The following GPC5 variants were observed in gnomAD, a reference collection of about 807,000 sequenced individuals.
The protein encoded by GPC5 is glypican 5.
Under a neutral mutation model 53.9 loss-of-function variants are expected in GPC5, and 47 were observed. That is an observed-to-expected ratio of 0.87 (90% CI 0.69 to 1.11). GPC5 has a LOEUF of 1.11. Among genes scored for constraint, GPC5 ranks in the 50% most tolerant of loss-of-function variants. The probability of loss-of-function intolerance (pLI) is 0.00; values close to 1 mark genes in which losing one functional copy is unlikely to be tolerated. For synonymous variants in GPC5, 286 were observed against 263.3 expected, an observed-to-expected ratio of 1.09 and a Z score of -0.84; for missense variants, 748 against 713.1, an observed-to-expected ratio of 1.05 and a Z score of -0.56.
At chr13:92,554,299 C>T (rs901638523) in intron 7 of GPC5, among the ~76,000 whole-genome samples, 13 of 151,818 alleles carry the variant, frequency 8.6e-5, no homozygotes, top group Non-Finnish European at 1.5e-4. Context: ...TCTTTTCATT[C>T]AGTGAAATTT....
intron 2 of GPC5, among the ~76,000 whole-genome samples, chr13:91,569,650 T>C (rs1054661739): frequency 6.6e-6 from 1 of 152,154 alleles, no homozygotes; most frequent in African/African-American, 2.4e-5. Context: ...CCAAAATTCG[T>C]ATTGTAGCTT....
At chr13:91,558,618 C>G (rs2031087323) in intron 2 of GPC5, among the ~76,000 whole-genome samples, 1 of 152,100 alleles carries the variant, frequency 6.6e-6, no homozygotes, top group Non-Finnish European at 1.5e-5. Flanking sequence ...ACACTCATCC[C>G]TGGCACGTTT....
At chr13:92,494,470 G>A (rs1262696132) in intron 7 of GPC5, among the ~76,000 whole-genome samples, 2 of 152,102 alleles carry the variant, frequency 1.3e-5, no homozygotes, top group East Asian at 3.9e-4. Flanking sequence ...ATCATAAAAC[G>A]TGCTTTGCTA....
intron 2 of GPC5, among the ~76,000 whole-genome samples, chr13:91,497,214 G>T (rs1884320480): frequency 6.6e-6 from 1 of 151,664 alleles, no homozygotes; most frequent in African/African-American, 2.4e-5. Context: ...CATTTTAATT[G>T]TATTTCTGTC....
chr13:92,407,835 A>G (rs1333538978), intron 7 of GPC5, among the ~76,000 whole-genome samples: 1 of 152,188 alleles, frequency 6.6e-6, no homozygotes, highest in Non-Finnish European at 1.5e-5. Context: ...TTAAAGAGAA[A>G]ACTATGAACA....
chr13:91,521,293 G>T (rs575343632), intron 2 of GPC5, among the ~76,000 whole-genome samples: 1 of 152,254 alleles, frequency 6.6e-6, no homozygotes, highest in South Asian at 2.1e-4. Context: ...TCTTAGTGGG[G>T]CTTCTCTGCT....
At chr13:92,615,068 T>A (rs906900348) in intron 7 of GPC5, among the ~76,000 whole-genome samples, 3 of 152,216 alleles carry the variant, frequency 2.0e-5, no homozygotes, top group Non-Finnish European at 4.4e-5. Context: ...TCTGTAAGAA[T>A]AGTCTTATGC....
chr13:92,582,357 A>T (rs1199803889), intron 7 of GPC5, among the ~76,000 whole-genome samples: 1 of 152,076 alleles, frequency 6.6e-6, no homozygotes, highest in African/African-American at 2.4e-5. Context: ...TTGACCAAAA[A>T]TGAGTAGATG....
chr13:91,751,733 T>C (rs1190030281), intron 4 of GPC5, among the ~76,000 whole-genome samples: 3 of 152,194 alleles, frequency 2.0e-5, no homozygotes, highest in Non-Finnish European at 4.4e-5. Context: ...CTTATCTCCT[T>C]CTTTTTATAC....
At chr13:91,408,139 T>C (rs978613838) in intron 1 of GPC5, among the ~76,000 whole-genome samples, 1 of 152,166 alleles carries the variant, frequency 6.6e-6, no homozygotes, top group Non-Finnish European at 1.5e-5. Flanking sequence ...TGCTATGTAA[T>C]AGGTCACTTG....
intron 7 of GPC5, among the ~76,000 whole-genome samples, chr13:92,301,690 C>G (rs972883403): frequency 6.6e-6 from 1 of 151,664 alleles, no homozygotes; most frequent in African/African-American, 2.4e-5. Context: ...TGTTCAAGAC[C>G]ACCTGGACAA....
intron 7 of GPC5, among the ~76,000 whole-genome samples, chr13:92,544,187 T>A (rs1882024209): frequency 6.6e-6 from 1 of 152,084 alleles, no homozygotes; most frequent in Non-Finnish European, 1.5e-5. Flanking sequence ...TAGACTTGCT[T>A]AGTATTTCCA....
intron 6 of GPC5, among the ~76,000 whole-genome samples, chr13:91,949,138 T>C (rs540293757): frequency 6.6e-6 from 1 of 152,362 alleles, no homozygotes; most frequent in African/African-American, 2.4e-5. Context: ...GTTCTTTGTG[T>C]GTTGCTGCCC....
At chr13:92,143,355 A>G (rs541401271) in intron 6 of GPC5, among the ~76,000 whole-genome samples, 4 of 152,280 alleles carry the variant, frequency 2.6e-5, no homozygotes, top group African/African-American at 9.6e-5. Flanking sequence ...GGTATAAAAT[A>G]ATACCATTTA....
chr13:92,000,691 A>G (rs1050690664), intron 6 of GPC5, among the ~76,000 whole-genome samples: 1 of 152,172 alleles, frequency 6.6e-6, no homozygotes, highest in African/African-American at 2.4e-5. Context: ...ACTGATTGTA[A>G]CTAAAGGCAG....
intron 7 of GPC5, among the ~76,000 whole-genome samples, chr13:92,605,563 G>T (rs969322083): frequency 1.3e-5 from 2 of 151,540 alleles, no homozygotes; most frequent in Non-Finnish European, 2.9e-5. Flanking sequence ...TAAATGAGCA[G>T]CCGTATTCAC....
chr13:91,991,027 A>G (rs975029152), intron 6 of GPC5, among the ~76,000 whole-genome samples: 2 of 152,188 alleles, frequency 1.3e-5, no homozygotes, highest in African/African-American at 4.8e-5. Context: ...GCTTTTGGGA[A>G]GGCAAATTTC....
At chr13:92,413,369 G>C (rs1876134149) in intron 7 of GPC5, among the ~76,000 whole-genome samples, 2 of 152,194 alleles carry the variant, frequency 1.3e-5, no homozygotes, top group Admixed American at 1.3e-4. Flanking sequence ...CCAGAATGAA[G>C]TGAATAAATC....
intron 2 of GPC5, among the ~76,000 whole-genome samples, chr13:91,634,796 T>TA (rs1197540532): frequency 2.6e-5 from 4 of 151,856 alleles, no homozygotes; most frequent in Non-Finnish European, 2.9e-5. Flanking sequence ...ATTACATTGT[T>TA]AAAAAAAAGT....
Sources: allele counts gnomAD v4.1 joint callset (sites outside exome capture counted in the v4.1 genomes callset), GRCh38; gene constraint gnomAD v4.1.1; transcripts MANE v1.5; gene names NCBI Gene and HGNC (gene_info 2026-07-23, HGNC 2026-07-21).